PIKFYVE: variants seen among roughly 807,000 people sequenced by gnomAD.
PIKFYVE encodes the protein 1-phosphatidylinositol 3-phosphate 5-kinase.
PIKFYVE carries 122 observed loss-of-function variants against 257.9 expected under a neutral mutation model. The ratio of observed to expected loss-of-function variants is 0.47; its 90% CI spans 0.41 to 0.55. The LOEUF (loss-of-function observed/expected upper bound fraction) is 0.55. Among genes scored for constraint, PIKFYVE ranks in the 20% least tolerant of loss-of-function variants. The pLI is 0.00. For missense variants in PIKFYVE, 2,160 were observed against 2,536.6 expected, an observed-to-expected ratio of 0.85 and a Z score of 3.19; for synonymous variants, 892 against 868.9, an observed-to-expected ratio of 1.03 and a Z score of -0.47.
rs756229839 is a variant in PIKFYVE, at chr2:208,298,831, T to C, written c.1050+52T>C. Reference sequence around the variant, plus strand: ...TGCTAGTTTTGAGCATAGAGAATGTTCATGTGACTGAGTCTTTTTTTTTCT... The same window carrying C: ...TGCTAGTTTTGAGCATAGAGAATGTCCATGTGACTGAGTCTTTTTTTTTCT... On this transcript the variant is annotated intron_variant, in intron 8 of 41. Coordinates refer to ENST00000264380, the MANE Select transcript of PIKFYVE (RefSeq NM_015040.4). 11 of 1,606,638 alleles carry C rather than the reference T, an allele frequency of 6.8e-6. No homozygotes were observed. In the South Asian group the frequency reaches 9.9e-5, roughly 14 times the overall value.
chr2:208,299,734 A>T (rs959855), intron 8 of PIKFYVE, among the ~76,000 whole-genome samples: 1 of 152,182 alleles, frequency 6.6e-6, no homozygotes. Context: ...ATTTAATACT[A>T]TATGTTTATA....
intron 18 of PIKFYVE, 122 bp downstream of exon 18, chr2:208,324,404 A>T (rs1696673232): frequency 1.9e-6 from 2 of 1,037,946 alleles, no homozygotes; most frequent in Admixed American, 2.3e-5. Context: ...TGAAAGTGGG[A>T]CAGAAGATAT....
At chr2:208,318,971 AG>A (rs1386010214) in intron 16 of PIKFYVE, among the ~76,000 whole-genome samples, 115 of 149,690 alleles carry the variant, frequency 7.7e-4, no homozygotes, top group African/African-American at 2.4e-3. Context: ...AAAAAAAAAA[AG>A]TAGGCACTTC....
chr2:208,269,413 A>G, intron 1 of PIKFYVE: 1 of 238,888 alleles, frequency 4.2e-6, no homozygotes, highest in Admixed American at 4.1e-5. Flanking sequence ...AACAGTCTCC[A>G]TCTCCTCCTC....
At chr2:208,275,499 C>T (rs1689987444) in intron 3 of PIKFYVE, among the ~76,000 whole-genome samples, 1 of 152,116 alleles carries the variant, frequency 6.6e-6, no homozygotes, top group Non-Finnish European at 1.5e-5. Context: ...TTTTGAGACT[C>T]AAGTTTAGTT....
intron 4 of PIKFYVE, 87 bp from the exon 5 acceptor site, chr2:208,277,450 C>G (rs1690258889): frequency 1.4e-6 from 2 of 1,459,888 alleles, no homozygotes; most frequent in Non-Finnish European, 1.9e-6. Context: ...TTGTTTTCTG[C>G]AAAAGAAACC....
At chr2:208,353,789 T>G in intron 39 of PIKFYVE, 109 bp from the exon 40 acceptor site, 1 of 1,280,132 alleles carries the variant, frequency 7.8e-7, no homozygotes, top group Non-Finnish European at 1.1e-6. Flanking sequence ...TTGGAGTGTG[T>G]GTAATGGTAG....
chr2:208,269,627 TC>T (rs2124958451), intron 1 of PIKFYVE: 1 of 260,526 alleles, frequency 3.8e-6, no homozygotes, highest in Non-Finnish European at 7.9e-6. Flanking sequence ...CTCTTGGGGT[TC>T]CCCAGGACCT....
At chr2:208,329,006 T>G (rs1697234379) in intron 21 of PIKFYVE, among the ~76,000 whole-genome samples, 1 of 152,218 alleles carries the variant, frequency 6.6e-6, no homozygotes, top group South Asian at 2.1e-4. Context: ...AGTCAACCTT[T>G]TGCTTTATTA....
At chr2:208,328,352 A>G (rs1311766582) in intron 21 of PIKFYVE, 72 bp downstream of exon 21, 2 of 1,588,552 alleles carry the variant, frequency 1.3e-6, no homozygotes, top group Non-Finnish European at 1.7e-6. Flanking sequence ...AACAAAAACA[A>G]AAAAACAGTC....
At position 208,330,670 on chromosome 2, in the gene PIKFYVE, T is replaced by C; in HGVS notation, c.3939T>C (p.Tyr1313=). The change falls in exon 23 of 42, where the codon TAT becomes TAC. Residue 1313 remains tyrosine, a synonymous_variant. Transcript: ENST00000264380. ...VPGYQHTILT[Y]SWCRICKQVT... ...GATATCAGCATACAATTCTTACATA[T>C]TCCTGGTGTAGAATCTGCAAACAGG... 6.2e-7 allele frequency: 1 copy of C among 1,614,012 alleles called. No individual in the cohort carries two copies. Among genetic ancestry groups the C allele is most frequent in the Non-Finnish European group, 8.5e-7 (1 of 1,179,878 alleles).
In PIKFYVE at chr2:208,277,411, C is replaced by T. The variant is rs113336530; in HGVS notation, c.442-126C>T. On this transcript the variant is annotated intron_variant, in intron 4 of 41. Transcript: ENST00000264380. ...GATTGTCTTGGTTATTTTGACCTTT[C>T]GTATTCCCATATGAATTTTTGAATT... 33 of 993,106 alleles carry T rather than the reference C, an allele frequency of 3.3e-5. 1 individual carries two copies. The highest frequency in any genetic ancestry group is 2.7e-4 in the Middle Eastern group (1 of 3,744). 61.5% of individuals were successfully genotyped at this position (993,106 alleles called of 1,614,324 possible).
intron 6 of PIKFYVE, among the ~76,000 whole-genome samples, chr2:208,287,122 AACT>A (rs1474553054): frequency 3.3e-5 from 5 of 152,088 alleles, no homozygotes; most frequent in East Asian, 3.9e-4. Context: ...AAATACACAA[AACT>A]ACTACACTGT....
chr2:208,340,495 T>C (rs1302389141), intron 31 of PIKFYVE, among the ~76,000 whole-genome samples: 1 of 152,218 alleles, frequency 6.6e-6, no homozygotes, highest in Non-Finnish European at 1.5e-5. Context: ...GACATGGCAT[T>C]GTCCTAGCAC....
rs1696853107 is a variant in PIKFYVE at position 208,325,732 on chromosome 2, C to G, written c.2921C>G (p.Pro974Arg). 1.2e-6 allele frequency: 2 copies of G among 1,613,236 alleles called. No individual in the cohort carries two copies. Among genetic ancestry groups the G allele is most frequent in the Non-Finnish European group, 1.7e-6 (2 of 1,179,382 alleles). ...PAGLPCAFFA[P>R]VPESLLPLPV... The stretch of plus-strand genomic sequence containing the variant: ...GGTCTCCCTTGTGCTTTCTTTGCAC[C>G]TGTACCGGAATCATTGTTGCCACTC... Residue 974 changes from proline (P) to arginine (R), a missense_variant, in exon 20 of 42, where the codon CCT (proline) becomes CGT (arginine). Pro to Arg is a moderately radical substitution (Grantham distance 103). Coordinates refer to ENST00000264380, the MANE Select transcript of PIKFYVE (RefSeq NM_015040.4).
At chr2:208,304,740 T>C in intron 11 of PIKFYVE, 106 bp from the exon 12 acceptor site, 1 of 1,085,766 alleles carries the variant, frequency 9.2e-7, no homozygotes, top group Non-Finnish European at 1.4e-6. Flanking sequence ...CACATTGGGC[T>C]TGTATATTAA....
intron 1 of PIKFYVE, among the ~76,000 whole-genome samples, chr2:208,267,921 G>A (rs1688877783): frequency 6.6e-6 from 1 of 152,216 alleles, no homozygotes; most frequent in South Asian, 2.1e-4. Flanking sequence ...TGGGATCACA[G>A]GTGTGAGCAG....
intron 1 of PIKFYVE, among the ~76,000 whole-genome samples, chr2:208,269,130 C>T (rs1390717565): frequency 6.6e-6 from 1 of 152,176 alleles, no homozygotes; most frequent in African/African-American, 2.4e-5. Flanking sequence ...GAGATGGTAG[C>T]TATGATTTTG....
chr2:208,331,194 T>G (rs988925858), intron 23 of PIKFYVE, among the ~76,000 whole-genome samples: 1 of 152,130 alleles, frequency 6.6e-6, no homozygotes, highest in Non-Finnish European at 1.5e-5. Context: ...TCTCTATTGG[T>G]TTTTATGCAT....
Sources: gnomAD v4.1 joint callset for allele counts (sites outside exome capture counted in the v4.1 genomes callset) on GRCh38, gnomAD v4.1.1 for gene constraint, MANE v1.5 for transcripts, NCBI Gene and HGNC (gene_info 2026-07-23, HGNC 2026-07-21) for gene names.